AEBP2: variants seen among roughly 807,000 people sequenced by gnomAD.
The protein encoded by AEBP2 is AE binding protein 2, also known as zinc finger protein AEBP2.
In AEBP2, 10 loss-of-function variants were observed where a neutral mutation model predicts 50.8. The ratio of observed to expected loss-of-function variants is 0.20; its 90% CI spans 0.12 to 0.33. AEBP2 has a LOEUF of 0.33. Among genes scored for constraint, AEBP2 ranks in the 10% least tolerant of loss-of-function variants. The pLI is 1.00. For missense variants in AEBP2, 570 were observed against 688.0 expected (o/e 0.83, Z 1.92); for synonymous variants, 296 against 261.3 (o/e 1.13, Z -1.28).
upstream of AEBP2, among the ~76,000 whole-genome samples, chr12:19,439,390 G>A (rs953955955): frequency 3.4e-5 from 5 of 148,986 alleles, no homozygotes; most frequent in African/African-American, 1.2e-4. Context: ...GGCGGGGGCG[G>A]GGGCGGGCAC....
chr12:19,462,245 G>A (rs1378887990), intron 1 of AEBP2, among the ~76,000 whole-genome samples: 1 of 152,108 alleles, frequency 6.6e-6, no homozygotes, highest in African/African-American at 2.4e-5. Context: ...TCTGTAAGAT[G>A]TAGTATTGAG....
At chr12:19,503,328 GGTGTGTGTGTGTGTGT>G (rs374431120) in intron 5 of AEBP2, among the ~76,000 whole-genome samples, 3 of 145,556 alleles carry the variant, frequency 2.1e-5, no homozygotes, top group Non-Finnish European at 3.1e-5. Context: ...TGTATTCCTT[GGTGTGTGTGTGTGTGT>G]GTATGTGTGT....
chr12:19,461,226 A>G (rs3283), intron 1 of AEBP2, among the ~76,000 whole-genome samples: 3,274 of 152,244 alleles, frequency 0.022, 41 homozygotes, highest in East Asian at 0.043. Context: ...CATAGATTTA[A>G]TCTGAAAACA....
intron 3 of AEBP2, among the ~76,000 whole-genome samples, chr12:19,481,176 C>A (rs938367656): frequency 1.4e-5 from 2 of 140,034 alleles, no homozygotes; most frequent in East Asian, 2.4e-4. Context: ...TCTCCACTCA[C>A]TTCAACCTCC....
At chr12:19,494,975 C>A (rs888840198) in intron 4 of AEBP2, among the ~76,000 whole-genome samples, 1 of 150,926 alleles carries the variant, frequency 6.6e-6, no homozygotes, top group Admixed American at 6.6e-5. Context: ...GGTGTGATCT[C>A]GGCTCACTGC....
intron 1 of AEBP2, among the ~76,000 whole-genome samples, chr12:19,424,819 C>G (rs1354297687): frequency 6.6e-6 from 1 of 151,766 alleles, no homozygotes; most frequent in Non-Finnish European, 1.5e-5. Flanking sequence ...ACCAGCCTGG[C>G]CAACATGGTG....
At chr12:19,495,885 C>A (rs4963544) in intron 4 of AEBP2, among the ~76,000 whole-genome samples, 7 of 152,090 alleles carry the variant, frequency 4.6e-5, no homozygotes, top group Non-Finnish European at 1.0e-4. Context: ...TAATTTTAAT[C>A]AACGTTGGCT....
chr12:19,410,114 C>T (rs976895787), intron 1 of AEBP2, among the ~76,000 whole-genome samples: 4 of 152,178 alleles, frequency 2.6e-5, no homozygotes, highest in Non-Finnish European at 5.9e-5. Context: ...ATTAGACCCT[C>T]TCTCACTCTA....
intron 1 of AEBP2, among the ~76,000 whole-genome samples, chr12:19,440,987 T>C (rs559263642): frequency 6.6e-6 from 1 of 152,212 alleles, no homozygotes; most frequent in Non-Finnish European, 1.5e-5. Context: ...TGGGAGCATA[T>C]CTGGGAAAAA....
At chr12:19,444,249 C>G (rs911038473) in intron 1 of AEBP2, among the ~76,000 whole-genome samples, 1 of 152,136 alleles carries the variant, frequency 6.6e-6, no homozygotes, top group African/African-American at 2.4e-5. Context: ...ATGAATGAGT[C>G]ATCCAAAAAG....
At chr12:19,411,230 C>T (rs925837207) in intron 1 of AEBP2, among the ~76,000 whole-genome samples, 1 of 152,302 alleles carries the variant, frequency 6.6e-6, no homozygotes, top group Non-Finnish European at 1.5e-5. Flanking sequence ...AACAAATTAG[C>T]CTATTCTCAT....
intron 2 of AEBP2, among the ~76,000 whole-genome samples, chr12:19,466,190 T>G (rs190285017): frequency 6.6e-6 from 1 of 152,144 alleles, no homozygotes; most frequent in Non-Finnish European, 1.5e-5. Context: ...AACAAAAACA[T>G]TTTCGGCTGG....
chr12:19,475,584 C>A (rs1948636924), intron 3 of AEBP2, among the ~76,000 whole-genome samples: 1 of 151,986 alleles, frequency 6.6e-6, no homozygotes, highest in South Asian at 2.1e-4. Context: ...ATGACTTTTT[C>A]CCAGTGTCAT....
chr12:19,462,388 G>T, intron 1 of AEBP2, 122 bp from the exon 2 acceptor site: 1 of 786,412 alleles, frequency 1.3e-6, no homozygotes, highest in Non-Finnish European at 2.0e-6. Flanking sequence ...GGAGAATATG[G>T]TTACTATGCT....
At chr12:19,448,537 T>G (rs919258571) in intron 1 of AEBP2, among the ~76,000 whole-genome samples, 1 of 152,148 alleles carries the variant, frequency 6.6e-6, no homozygotes, top group Non-Finnish European at 1.5e-5. Flanking sequence ...AGAACTTGCC[T>G]TCTGCACTCA....
intron 2 of AEBP2, among the ~76,000 whole-genome samples, chr12:19,464,427 G>A (rs1948434703): frequency 6.6e-6 from 1 of 152,120 alleles, no homozygotes; most frequent in Non-Finnish European, 1.5e-5. Context: ...GCTTCTCTTA[G>A]TAGATGTGGG....
chr12:19,508,770 TAAAC>T (rs1034317136), intron 5 of AEBP2: 2 of 171,742 alleles, frequency 1.2e-5, no homozygotes, highest in African/African-American at 4.7e-5. Context: ...CTCCAGGAGA[TAAAC>T]AAATGCCTTA....
At chr12:19,471,785 T>C (rs551540861) in intron 2 of AEBP2, among the ~76,000 whole-genome samples, 2 of 152,058 alleles carry the variant, frequency 1.3e-5, no homozygotes, top group East Asian at 3.9e-4. Context: ...CCTACCTCGG[T>C]CTCCCAAAGT....
intron 4 of AEBP2, among the ~76,000 whole-genome samples, chr12:19,499,727 A>G (rs373145772): frequency 1.5e-4 from 23 of 152,256 alleles, no homozygotes; most frequent in East Asian, 5.8e-4. Context: ...ATGTTTGGCA[A>G]TGGTGAGTTT....
Sources: gnomAD v4.1 joint callset for allele counts (sites outside exome capture counted in the v4.1 genomes callset) on GRCh38, gnomAD v4.1.1 for gene constraint, MANE v1.5 for transcripts, NCBI Gene and HGNC (gene_info 2026-07-23, HGNC 2026-07-21) for gene names.